The following ARHGEF37 variants were observed in gnomAD, a reference collection of about 807,000 sequenced individuals.
The protein encoded by ARHGEF37 is Rho guanine nucleotide exchange factor (GEF) 37.
A neutral mutation model predicts 71.1 loss-of-function variants in ARHGEF37; 55 were observed. The ratio of observed to expected loss-of-function variants is 0.77; its 90% CI spans 0.62 to 0.97. The LOEUF is 0.97. Among genes scored for constraint, ARHGEF37 ranks in the 50% least tolerant of loss-of-function variants. The probability of loss-of-function intolerance (pLI) is 0.00; values close to 1 mark genes in which losing one functional copy is unlikely to be tolerated. For missense variants in ARHGEF37, 765 were observed against 836.8 expected (o/e 0.91, Z 1.06); for synonymous variants, 327 against 350.6 (o/e 0.93, Z 0.75).
intron 12 of ARHGEF37, 85 bp downstream of exon 12, chr5:149,629,051 G>T: frequency 6.8e-7 from 1 of 1,465,536 alleles, no homozygotes; most frequent in Non-Finnish European, 9.1e-7. Flanking sequence ...CAAAGTCTAT[G>T]CCCCTCCTGT....
chr5:149,632,318 A>C lies in ARHGEF37; in HGVS notation c.*127A>C. Reference sequence around the variant, plus strand: ...GACCAGGCCAGGGTGGGTGAAGCACACTCAGGAGGCAGCCAGAAGACATGG... The same window carrying C: ...GACCAGGCCAGGGTGGGTGAAGCACCCTCAGGAGGCAGCCAGAAGACATGG... On this transcript the variant is annotated 3_prime_UTR_variant, in exon 13 of 13. Transcript: ENST00000333677. 9.4e-7 allele frequency: 1 copy of C among 1,068,420 alleles called. No homozygotes were observed. The allele number at this position is 1,068,420 out of a possible 1,614,324, so 66.2% of individuals were successfully genotyped here.
intron 3 of ARHGEF37, among the ~76,000 whole-genome samples, chr5:149,605,002 A>T (rs1763877438): frequency 6.6e-6 from 1 of 151,790 alleles, no homozygotes; most frequent in South Asian, 2.1e-4. Context: ...TGAGGCAGAT[A>T]GATCACCTGA....
chr5:149,587,123 A>G (rs1003065303), intron 1 of ARHGEF37, among the ~76,000 whole-genome samples: 2 of 152,236 alleles, frequency 1.3e-5, no homozygotes, highest in African/African-American at 4.8e-5. Flanking sequence ...ACTCATATGA[A>G]AAAGGCAATC....
chr5:149,598,561 G>A (rs545287846), intron 2 of ARHGEF37, among the ~76,000 whole-genome samples: 1 of 150,312 alleles, frequency 6.7e-6, no homozygotes, highest in South Asian at 2.1e-4. Context: ...CACTGTCAGC[G>A]ACTTGGCCTG....
At chr5:149,625,658 G>C (rs948458118) in intron 10 of ARHGEF37, among the ~76,000 whole-genome samples, 1 of 152,186 alleles carries the variant, frequency 6.6e-6, no homozygotes, top group African/African-American at 2.4e-5. Flanking sequence ...ACCGACTAGG[G>C]GTGTGCCGTG....
At chr5:149,605,689 T>C (rs1763897323) in intron 3 of ARHGEF37, among the ~76,000 whole-genome samples, 1 of 152,190 alleles carries the variant, frequency 6.6e-6, no homozygotes, top group South Asian at 2.1e-4. Context: ...TGATGCCAAG[T>C]ACTTAACCTG....
intron 1 of ARHGEF37, among the ~76,000 whole-genome samples, chr5:149,556,175 T>C (rs1435234153): frequency 6.6e-6 from 1 of 152,054 alleles, no homozygotes. Flanking sequence ...AACGTCAGTG[T>C]CCCAAGTGTT....
At chr5:149,631,372 T>C (rs1752881481) in intron 12 of ARHGEF37, among the ~76,000 whole-genome samples, 1 of 152,116 alleles carries the variant, frequency 6.6e-6, no homozygotes, top group Admixed American at 6.5e-5. Context: ...GGTTTCACCA[T>C]GTTGGCCAGG....
chr5:149,581,949 G>A (rs1763119503), intron 1 of ARHGEF37, among the ~76,000 whole-genome samples: 1 of 152,190 alleles, frequency 6.6e-6, no homozygotes, highest in African/African-American at 2.4e-5. Flanking sequence ...ACAGCTTTTA[G>A]AAAGAATGCA....
At chr5:149,602,803 C>T (rs1336274209) in intron 3 of ARHGEF37, among the ~76,000 whole-genome samples, 2 of 152,082 alleles carry the variant, frequency 1.3e-5, no homozygotes, top group Non-Finnish European at 2.9e-5. Flanking sequence ...ACTACAGTGG[C>T]AGAAAGGAGG....
chr5:149,562,536 G>T (rs1039059890), intron 1 of ARHGEF37, among the ~76,000 whole-genome samples: 1 of 152,038 alleles, frequency 6.6e-6, no homozygotes, highest in Non-Finnish European at 1.5e-5. Flanking sequence ...GCAAGCTCCC[G>T]GGTTCACGCT....
At chr5:149,580,671 CATTT>C (rs1360658073), upstream of ARHGEF37, among the ~76,000 whole-genome samples, 11 of 152,206 alleles carry the variant, frequency 7.2e-5, no homozygotes, top group African/African-American at 2.4e-4. Flanking sequence ...ACAAGTAAAA[CATTT>C]AGTATAGCGC....
At chr5:149,572,958 C>T (rs982080468) in intron 1 of ARHGEF37, among the ~76,000 whole-genome samples, 4 of 152,166 alleles carry the variant, frequency 2.6e-5, no homozygotes, top group African/African-American at 9.7e-5. Flanking sequence ...CACAATTCTG[C>T]AGGCTTGGTA....
chr5:149,619,179 C>T (rs1235797716), intron 7 of ARHGEF37, 137 bp downstream of exon 7: 10 of 715,226 alleles, frequency 1.4e-5, no homozygotes, highest in South Asian at 1.1e-4. Flanking sequence ...TGTCTCATCT[C>T]TTCTGGAGAA....
At position 149,581,531 on chromosome 5, in the gene ARHGEF37, G is replaced by C. The variant is rs1460443472; in HGVS notation, c.-105G>C. On this transcript the variant is annotated 5_prime_UTR_variant, in exon 1 of 13. Transcript: ENST00000333677. Reference sequence around the variant, plus strand: ...CCACCCGGAGCGGCGCGGGTGCCGGGAGCTGGGCGACGCGCCCCTCCTGCC... The same window carrying C: ...CCACCCGGAGCGGCGCGGGTGCCGGCAGCTGGGCGACGCGCCCCTCCTGCC... 5.3e-5 allele frequency: 8 copies of C among 152,024 alleles called. No homozygotes were observed. Among genetic ancestry groups the C allele is most frequent in the Non-Finnish European group, 1.0e-4 (7 of 67,984 alleles). 9.4% of individuals were successfully genotyped at this position (152,024 alleles called of 1,614,324 possible).
At chr5:149,623,567 G>A (rs1266082590) in intron 9 of ARHGEF37, among the ~76,000 whole-genome samples, 1 of 152,190 alleles carries the variant, frequency 6.6e-6, no homozygotes, top group Non-Finnish European at 1.5e-5. Flanking sequence ...GAGTGTTTGG[G>A]GATGCCAGTA....
chr5:149,612,799 C>T (rs998594668), intron 4 of ARHGEF37, among the ~76,000 whole-genome samples: 3 of 152,228 alleles, frequency 2.0e-5, no homozygotes, highest in African/African-American at 2.4e-5. Context: ...ATAATCACCA[C>T]GCCAGCCATA....
chr5:149,614,901 T>G (rs556767033), intron 4 of ARHGEF37, among the ~76,000 whole-genome samples: 2 of 152,068 alleles, frequency 1.3e-5, no homozygotes, highest in Non-Finnish European at 2.9e-5. Flanking sequence ...CTGAGCAGCA[T>G]TGGTTGAGTC....
intron 1 of ARHGEF37, among the ~76,000 whole-genome samples, chr5:149,558,914 T>C (rs1338035064): frequency 6.6e-6 from 1 of 152,112 alleles, no homozygotes; most frequent in Non-Finnish European, 1.5e-5. Context: ...TATGTATATA[T>C]GTGTATGTGT....
Sources: gnomAD v4.1 joint callset for allele counts (sites outside exome capture counted in the v4.1 genomes callset) on GRCh38, gnomAD v4.1.1 for gene constraint, MANE v1.5 for transcripts, NCBI Gene and HGNC (gene_info 2026-07-23, HGNC 2026-07-21) for gene names.